ABCA13: variants seen among roughly 807,000 people sequenced by gnomAD.
ABCA13 encodes ATP binding cassette subfamily A member 13, also known as ATP-binding cassette sub-family A member 13.
A neutral mutation model predicts 478.7 loss-of-function variants in ABCA13; 476 were observed. The ratio of observed to expected loss-of-function variants is 0.99; its 90% CI spans 0.92 to 1.07. ABCA13 has a LOEUF of 1.07. ABCA13 is among the 50% of genes least tolerant of loss of function. The probability of loss-of-function intolerance (pLI) is 0.00; values close to 1 mark genes in which losing one functional copy is unlikely to be tolerated. For synonymous variants in ABCA13, 2,252 were observed against 2,158.9 expected (o/e 1.04, Z -1.20); for missense variants, 6,060 against 5,910.6 (o/e 1.03, Z -0.83).
intron 58 of ABCA13, among the ~76,000 whole-genome samples, chr7:48,608,666 C>G (rs1206131729): frequency 6.6e-6 from 1 of 152,238 alleles, no homozygotes; most frequent in Admixed American, 6.5e-5. Context: ...AGCTGCTGAT[C>G]CTCATGGTCT....
At chr7:48,404,029 A>G (rs1028064010) in intron 39 of ABCA13, 150 bp downstream of exon 39, 1 of 927,720 alleles carries the variant, frequency 1.1e-6, no homozygotes, top group South Asian at 1.4e-5. Flanking sequence ...ACTTATAGGG[A>G]TATATTCGTT....
chr7:48,317,667 C>T (rs754577202), intron 27 of ABCA13, among the ~76,000 whole-genome samples: 5 of 152,150 alleles, frequency 3.3e-5, no homozygotes, highest in Non-Finnish European at 7.3e-5. Flanking sequence ...CCAACAATTA[C>T]GAAAGAATCA....
At chr7:48,556,472 A>G (rs988294445) in intron 55 of ABCA13, among the ~76,000 whole-genome samples, 1 of 152,002 alleles carries the variant, frequency 6.6e-6, no homozygotes, top group African/African-American at 2.4e-5. Flanking sequence ...TGCTTTATAT[A>G]TCTGAGTGCT....
At chr7:48,478,198 AT>A (rs981422212) in intron 45 of ABCA13, among the ~76,000 whole-genome samples, 3 of 148,212 alleles carry the variant, frequency 2.0e-5, no homozygotes, top group Non-Finnish European at 4.5e-5. Context: ...AATACATAAA[AT>A]GATATGATAT....
intron 44 of ABCA13, among the ~76,000 whole-genome samples, chr7:48,469,956 TC>T (rs1467101413): frequency 6.6e-6 from 1 of 150,682 alleles, no homozygotes; most frequent in Non-Finnish European, 1.5e-5. Context: ...GATTGAAAAC[TC>T]CAGGCAGCCC....
At chr7:48,626,952 G>T (rs1055876107) in intron 59 of ABCA13, 2 of 985,284 alleles carry the variant, frequency 2.0e-6, no homozygotes, top group Admixed American at 6.1e-5. Flanking sequence ...TGATTATTGC[G>T]TATGGTTGAG....
chr7:48,493,150 T>C (rs1350588082), intron 48 of ABCA13, among the ~76,000 whole-genome samples: 1 of 152,232 alleles, frequency 6.6e-6, no homozygotes, highest in Non-Finnish European at 1.5e-5. Context: ...TGTAAACACT[T>C]CATGGAAGGT....
At chr7:48,191,079 T>TA (rs2128892257) in intron 1 of ABCA13, among the ~76,000 whole-genome samples, 1 of 152,192 alleles carries the variant, frequency 6.6e-6, no homozygotes, top group East Asian at 1.9e-4. Context: ...GTATATTTTT[T>TA]ATTTTGCTTA....
At chr7:48,180,614 A>G (rs2128869295) in intron 1 of ABCA13, among the ~76,000 whole-genome samples, 1 of 151,710 alleles carries the variant, frequency 6.6e-6, no homozygotes, top group South Asian at 2.1e-4. Context: ...TTTAGTAGAG[A>G]TGGGGTTTCA....
intron 3 of ABCA13, among the ~76,000 whole-genome samples, chr7:48,200,062 A>G (rs762689346): frequency 9.2e-5 from 14 of 152,228 alleles, no homozygotes; most frequent in Non-Finnish European, 1.9e-4. Context: ...GGCTGTAACA[A>G]TTATAAAAAT....
At chr7:48,315,483 CTTTT>C (rs774939239) in intron 26 of ABCA13, among the ~76,000 whole-genome samples, 1 of 143,570 alleles carries the variant, frequency 7.0e-6, no homozygotes, top group African/African-American at 2.5e-5. Context: ...TAGTCATATT[CTTTT>C]TTTTTTTTTT....
At chr7:48,455,373 A>G (rs1825552051) in intron 43 of ABCA13, 87 bp downstream of exon 43, 5 of 1,437,282 alleles carry the variant, frequency 3.5e-6, no homozygotes, top group Non-Finnish European at 4.7e-6. Flanking sequence ...AGAATTCTAG[A>G]TAAAAACTGG....
intron 38 of ABCA13, among the ~76,000 whole-genome samples, chr7:48,393,548 T>C (rs183355945): frequency 5.1e-4 from 78 of 152,366 alleles, no homozygotes; most frequent in African/African-American, 1.8e-3. Flanking sequence ...AAGCTTTACA[T>C]TTATAAATAA....
chr7:48,605,113 A>G (rs1475967641), intron 58 of ABCA13, among the ~76,000 whole-genome samples: 4 of 152,010 alleles, frequency 2.6e-5, no homozygotes, highest in Non-Finnish European at 5.9e-5. Context: ...TTTTGAGCCT[A>G]TTTTGTGTCT....
intron 7 of ABCA13, among the ~76,000 whole-genome samples, chr7:48,233,418 G>A (rs914134106): frequency 1.3e-5 from 2 of 152,040 alleles, no homozygotes; most frequent in Admixed American, 6.6e-5. Context: ...GGGGGTCTTC[G>A]ATTTATATTT....
intron 58 of ABCA13, among the ~76,000 whole-genome samples, chr7:48,614,441 T>C (rs2131559787): frequency 6.6e-6 from 1 of 151,456 alleles, no homozygotes; most frequent in South Asian, 2.1e-4. Flanking sequence ...TTGGTGGGAC[T>C]GTAAACTAGT....
intron 53 of ABCA13, among the ~76,000 whole-genome samples, chr7:48,521,431 C>T (rs923883075): frequency 6.6e-6 from 1 of 152,150 alleles, no homozygotes; most frequent in African/African-American, 2.4e-5. Flanking sequence ...TATTTTGTTA[C>T]ATAACCCCTT....
chr7:48,452,345 G>A (rs1024068675), intron 42 of ABCA13, among the ~76,000 whole-genome samples: 1 of 152,110 alleles, frequency 6.6e-6, no homozygotes, highest in Admixed American at 6.5e-5. Context: ...ACGATATGTT[G>A]GTGGCTGAGA....
intron 3 of ABCA13, among the ~76,000 whole-genome samples, chr7:48,216,867 A>T (rs571798062): frequency 6.6e-6 from 1 of 152,348 alleles, no homozygotes; most frequent in South Asian, 2.1e-4. Flanking sequence ...TTAACATTTT[A>T]AAAACATTGA....
Sources: gnomAD v4.1 joint callset for allele counts (sites outside exome capture counted in the v4.1 genomes callset) on GRCh38, gnomAD v4.1.1 for gene constraint, MANE v1.5 for transcripts, NCBI Gene and HGNC (gene_info 2026-07-23, HGNC 2026-07-21) for gene names.